The following PBX1 variants were observed in gnomAD, a reference collection of about 807,000 sequenced individuals.
The protein encoded by PBX1 is pre-B-cell leukemia transcription factor 1.
PBX1 carries 6 observed loss-of-function variants against 53.4 expected under a neutral mutation model. The observed-to-expected ratio is 0.11, with a 90% CI of 0.06 to 0.22. The LOEUF is 0.22. PBX1 is among the 10% of genes least tolerant of loss of function. The pLI is 1.00. For synonymous variants in PBX1, 204 were observed against 212.3 expected (o/e 0.96, Z 0.34); for missense variants, 251 against 551.4 (o/e 0.46, Z 5.46).
Position 164,612,964 on chromosome 1 carries a change from T to C in PBX1, c.265+49653T>C, listed in dbSNP as rs1470157805. 2.0e-5 allele frequency among the ~76,000 whole-genome samples: 3 copies of C among 152,174 alleles called. No homozygotes were observed. In the East Asian group the frequency reaches 5.8e-4, roughly 29 times the overall value. ...AAAATAGACCTACCTCCCAGGGTTATTGGGCAGTTTAAATGAGTTAATGTA... is the reference window on the plus strand; with the variant it reads ...AAAATAGACCTACCTCCCAGGGTTACTGGGCAGTTTAAATGAGTTAATGTA... On this transcript the variant is annotated intron_variant, in intron 2 of 8. Coordinates refer to ENST00000420696, the MANE Select transcript of PBX1 (RefSeq NM_002585.4).
intron 2 of PBX1, among the ~76,000 whole-genome samples, chr1:164,651,691 G>A (rs895159293): frequency 6.6e-6 from 1 of 152,100 alleles, no homozygotes; most frequent in Non-Finnish European, 1.5e-5. Flanking sequence ...ACAGAGAGGA[G>A]CCCACAAATG....
At chr1:164,858,013 G>A (rs189785788) in intron 2 of PBX1, among the ~76,000 whole-genome samples, 1 of 151,936 alleles carries the variant, frequency 6.6e-6, no homozygotes, top group Non-Finnish European at 1.5e-5. Context: ...TTAAAATATT[G>A]TCCTGTTTCC....
At chr1:164,635,203 A>T (rs1658676101) in intron 2 of PBX1, among the ~76,000 whole-genome samples, 1 of 152,112 alleles carries the variant, frequency 6.6e-6, no homozygotes, top group African/African-American at 2.4e-5. Context: ...CTATGCCAAC[A>T]CCCTGGGAGT....
intron 2 of PBX1, among the ~76,000 whole-genome samples, chr1:164,677,374 G>A (rs1661495588): frequency 6.6e-6 from 1 of 151,030 alleles, no homozygotes; most frequent in Admixed American, 6.6e-5. Flanking sequence ...TTACAGGCGT[G>A]AGCCACCGCG....
Position 164,847,822 on chromosome 1 carries a change from G to T in PBX1, c.*1146G>T. 2 of 1,054,728 alleles carry T rather than the reference G, an allele frequency of 1.9e-6. No individual in the cohort carries two copies. Among genetic ancestry groups the T allele is most frequent in the South Asian group, 9.1e-5 (2 of 21,882 alleles). The allele number at this position is 1,054,728 out of a possible 1,614,324, so 65.3% of individuals were successfully genotyped here. A position where few individuals can be genotyped will look rare whatever the true frequency, so the allele number is the denominator to read the frequency against. ...TTCCAGGACCTGCAGGCCCACTAGC[G>T]TGCACTTACCAGAATGGCATACACA... On this transcript the variant is annotated 3_prime_UTR_variant, in exon 9 of 9. Coordinates refer to ENST00000420696, the MANE Select transcript of PBX1 (RefSeq NM_002585.4).
intron 2 of PBX1, among the ~76,000 whole-genome samples, chr1:164,716,904 C>A (rs557868498): frequency 6.6e-6 from 1 of 152,078 alleles, no homozygotes; most frequent in Non-Finnish European, 1.5e-5. Flanking sequence ...TACTGGAATA[C>A]AGACAATATG....
intron 2 of PBX1, among the ~76,000 whole-genome samples, chr1:164,693,855 C>G (rs939514537): frequency 6.6e-6 from 1 of 152,174 alleles, no homozygotes; most frequent in Non-Finnish European, 1.5e-5. Context: ...TAATCATAGG[C>G]ACCTTATGCC....
rs1177646131 is a variant in PBX1, at chr1:164,848,113, A to T, written c.*1437A>T. The T allele has an allele frequency of 9.5e-7, 1 of 1,052,116 alleles. No individual in the cohort carries two copies. The highest frequency in any genetic ancestry group is 1.1e-6 in the Non-Finnish European group (1 of 871,054). 65.2% of individuals were successfully genotyped at this position (1,052,116 alleles called of 1,614,324 possible). On this transcript the variant is annotated 3_prime_UTR_variant, in exon 9 of 9. Transcript: ENST00000420696. ...GAACTTTTGCTAGCTTCATTTGAGG[A>T]CCTGAGAATCATGGGGAAAGGGAAG...
chr1:164,687,250 A>G (rs1662159993), intron 2 of PBX1, among the ~76,000 whole-genome samples: 1 of 152,136 alleles, frequency 6.6e-6, no homozygotes, highest in African/African-American at 2.4e-5. Flanking sequence ...GTAAGGCACA[A>G]CTGTTTATCA....
chr1:164,602,123 C>CT (rs1325444799), intron 2 of PBX1, among the ~76,000 whole-genome samples: 1 of 152,214 alleles, frequency 6.6e-6, no homozygotes, highest in African/African-American at 2.4e-5. Flanking sequence ...TTGGCTGAGA[C>CT]TGATTCTTCA....
intron 2 of PBX1, among the ~76,000 whole-genome samples, chr1:164,623,227 C>G (rs560448155): frequency 1.4e-4 from 22 of 152,068 alleles, no homozygotes; most frequent in African/African-American, 5.1e-4. Flanking sequence ...ATGACTAATG[C>G]GGTGTATATA....
intron 2 of PBX1, among the ~76,000 whole-genome samples, chr1:164,712,144 T>C (rs1424775281): frequency 7.0e-6 from 1 of 143,172 alleles, no homozygotes; most frequent in African/African-American, 2.6e-5. Flanking sequence ...CAAAGCAGCT[T>C]AGGCGTTGGA....
At chr1:164,651,646 T>C (rs1659826999) in intron 2 of PBX1, among the ~76,000 whole-genome samples, 1 of 151,336 alleles carries the variant, frequency 6.6e-6, no homozygotes, top group South Asian at 2.1e-4. Context: ...AGAAGAACAG[T>C]TGAAGGTGGG....
intron 2 of PBX1, among the ~76,000 whole-genome samples, chr1:164,628,780 C>T (rs1658215497): frequency 6.6e-6 from 1 of 151,960 alleles, no homozygotes; most frequent in Non-Finnish European, 1.5e-5. Context: ...ATTTTTAGTG[C>T]CTTAGTTTGG....
intron 2 of PBX1, 66 bp downstream of exon 2, chr1:164,563,377 C>A: frequency 1.0e-6 from 1 of 994,156 alleles, no homozygotes; most frequent in Non-Finnish European, 1.6e-6. Flanking sequence ...CCAGCAGTCA[C>A]AAATCTATTA....
intron 2 of PBX1, among the ~76,000 whole-genome samples, chr1:164,706,886 A>G (rs1479412809): frequency 6.6e-6 from 1 of 152,226 alleles, no homozygotes; most frequent in Non-Finnish European, 1.5e-5. Context: ...TTACAGAAAA[A>G]TAAACCTTTA....
At chr1:164,776,942 GGAGAGAGA>G (rs377054240) in intron 2 of PBX1, among the ~76,000 whole-genome samples, 5 of 43,520 alleles carry the variant, frequency 1.1e-4, no homozygotes, top group Non-Finnish European at 2.1e-4. Flanking sequence ...TGTGGTGGGA[GGAGAGAGA>G]GAGAGAGAGA....
chr1:164,592,749 C>A (rs913258075), intron 2 of PBX1, among the ~76,000 whole-genome samples: 15 of 152,122 alleles, frequency 9.9e-5, no homozygotes, highest in Non-Finnish European at 2.2e-4. Context: ...AATTCTGTAT[C>A]CCCAACCATC....
intron 8 of PBX1, among the ~76,000 whole-genome samples, chr1:164,844,370 C>T (rs926640911): frequency 6.6e-6 from 1 of 152,036 alleles, no homozygotes; most frequent in African/African-American, 2.4e-5. Flanking sequence ...TCCTGCCTGC[C>T]TGCCTGTCTG....
Sources: allele counts gnomAD v4.1 joint callset (sites outside exome capture counted in the v4.1 genomes callset), GRCh38; gene constraint gnomAD v4.1.1; transcripts MANE v1.5; gene names NCBI Gene and HGNC (gene_info 2026-07-23, HGNC 2026-07-21).